Variants in ESD observed in about 807,000 individuals in gnomAD.
ESD encodes the protein esterase D.
In ESD, 34 loss-of-function variants were observed where a neutral mutation model predicts 38.1. The observed-to-expected ratio is 0.89, with a 90% CI of 0.68 to 1.19. ESD has a LOEUF of 1.19. Ranked by LOEUF, ESD falls within the 50% of genes most tolerant of loss-of-function variation. ESD has a pLI of 0.00. For missense variants in ESD, 334 were observed against 327.2 expected (o/e 1.02, Z -0.16); for synonymous variants, 97 against 107.0 (o/e 0.91, Z 0.58).
Position 46,771,460 on chromosome 13 carries a change from T to C in ESD, c.805A>G (p.Ile269Val). The stretch of plus-strand genomic sequence containing the variant: ...GCATGATGTCTGATGTGGTCAGTAA[T>C]AAAGGTTGCAATGAAGTAGTAGCTA... ...DHSYYFIATF[I>V]TDHIRHHAKY... Residue 269 changes from isoleucine (I) to valine (V), a missense_variant, in exon 10 of 10, where the codon ATT becomes GTT. Physicochemically the swap from Ile to Val is conservative, Grantham distance 29. Transcript: ENST00000378720. 6.2e-7 allele frequency: 1 copy of C among 1,608,712 alleles called. No homozygotes were observed. Among genetic ancestry groups the C allele is most frequent in the Non-Finnish European group, 8.5e-7 (1 of 1,176,048 alleles).
At position 46,779,437 on chromosome 13, in the gene ESD, G is replaced by C. The variant is rs117297871; in HGVS notation, c.600+498C>G. 5.8e-3 allele frequency among the ~76,000 whole-genome samples: 879 copies of C among 151,420 alleles called. 2 individuals carry two copies. Among genetic ancestry groups the C allele is most frequent in the Non-Finnish European group, 8.4e-3 (568 of 67,650 alleles). ...AATGCTCCAAAATCTGAAACGTTTT[G>C]AGTACCCACATGACGCTTAAAGGTA... On this transcript the variant is annotated intron_variant, in intron 8 of 9. Transcript: ENST00000378720.
chr13:46,789,340 G>A (rs958487054), intron 3 of ESD, among the ~76,000 whole-genome samples: 1 of 152,166 alleles, frequency 6.6e-6, no homozygotes, highest in Non-Finnish European at 1.5e-5. Context: ...TGACAATATG[G>A]TTGGACATAG....
intron 5 of ESD, 114 bp downstream of exon 5, chr13:46,784,138 T>C: frequency 1.3e-6 from 1 of 788,318 alleles, no homozygotes; most frequent in South Asian, 2.0e-5. Context: ...GAAAGGTTAA[T>C]AGAGATAACA....
At chr13:46,795,241 C>G (rs8192880) in intron 1 of ESD, among the ~76,000 whole-genome samples, 5,010 of 152,248 alleles carry the variant, frequency 0.033, 97 homozygotes, top group South Asian at 0.061. Flanking sequence ...CATCCCACTA[C>G]GATCAATCCT....
chr13:46,782,257 T>A (rs1405502960), intron 6 of ESD, among the ~76,000 whole-genome samples: 1 of 151,760 alleles, frequency 6.6e-6, no homozygotes, highest in African/African-American at 2.4e-5. Flanking sequence ...ATGATATACA[T>A]AGTAACAATG....
chr13:46,783,865 CA>C (rs1377454854), intron 5 of ESD, among the ~76,000 whole-genome samples: 1 of 151,742 alleles, frequency 6.6e-6, no homozygotes, highest in Non-Finnish European at 1.5e-5. Flanking sequence ...TTGATGTTAA[CA>C]GAGATGAAAA....
chr13:46,781,645 A>G (rs1283492224), intron 6 of ESD, 30 bp from the exon 7 acceptor site: 1 of 1,583,102 alleles, frequency 6.3e-7, no homozygotes, highest in Non-Finnish European at 8.6e-7. Context: ...GTGACAAAAG[A>G]TATCAAAGAA....
At chr13:46,782,884 A>G in intron 5 of ESD, 93 bp from the exon 6 acceptor site, 1 of 1,463,402 alleles carries the variant, frequency 6.8e-7, no homozygotes, top group Non-Finnish European at 9.3e-7. Context: ...GTCCATTTGC[A>G]TGGGAACTGT....
chr13:46,771,349 G>C lies in ESD; in HGVS notation c.*67C>G. On this transcript the variant is annotated 3_prime_UTR_variant, in exon 10 of 10. Coordinates refer to ENST00000378720, the MANE Select transcript of ESD (RefSeq NM_001984.2). ...AATGTTTTGAATTTTTTTTTTTTTTGCTCAGCAATACAGTTGCATTTTACA... is the reference window on the plus strand; with the variant it reads ...AATGTTTTGAATTTTTTTTTTTTTTCCTCAGCAATACAGTTGCATTTTACA... 1.7e-6 allele frequency: 1 copy of C among 589,974 alleles called. No individual in the cohort carries two copies. The highest frequency in any genetic ancestry group is 2.3e-6 in the Non-Finnish European group (1 of 426,274). The allele number at this position is 589,974 out of a possible 1,614,324, so 36.5% of individuals were successfully genotyped here.
At chr13:46,795,655 A>C (rs1421762061) in intron 1 of ESD, among the ~76,000 whole-genome samples, 1 of 152,236 alleles carries the variant, frequency 6.6e-6, no homozygotes, top group Non-Finnish European at 1.5e-5. Flanking sequence ...AAATTTCATA[A>C]AATTAAAACC....
chr13:46,781,031 C>T (rs191701751), intron 7 of ESD, among the ~76,000 whole-genome samples: 29 of 151,810 alleles, frequency 1.9e-4, no homozygotes, highest in Non-Finnish European at 1.5e-5. Flanking sequence ...TTTAATCAAG[C>T]TGCATTTCAA....
intron 9 of ESD, chr13:46,776,747 A>G (rs995584162): frequency 6.6e-6 from 1 of 152,136 alleles, no homozygotes; most frequent in African/African-American, 2.4e-5. Flanking sequence ...TTAAACATGG[A>G]TAAAAATTTA....
Position 46,777,535 on chromosome 13 carries a change from A to T in ESD, c.689T>A (p.Leu230Ter). ...IDQGKDDQFL[L>*]DGQLLPDNFI... ...GTTATCAGGGAGTAACTGTCCATCT[A>T]AAAGAAACTGGTCATCTTTCCCTTG... The change falls in exon 9 of 10, where the codon TTA (leucine) becomes TAA (stop). Residue 230 changes from leucine (L) to a stop codon, truncating the protein, a stop_gained. Transcript: ENST00000378720. LOFTEE classifies it high-confidence loss of function. 6.2e-7 allele frequency: 1 copy of T among 1,611,586 alleles called. No homozygotes were observed. Among genetic ancestry groups the T allele is most frequent in the Non-Finnish European group, 8.5e-7 (1 of 1,178,284 alleles).
chr13:46,781,728 G>T, intron 6 of ESD, 113 bp from the exon 7 acceptor site: 1 of 948,136 alleles, frequency 1.1e-6, no homozygotes, highest in Non-Finnish European at 1.6e-6. Context: ...GTCTTACAAT[G>T]GTTTGAACTA....
At chr13:46,773,014 T>C (rs1237141894) in intron 9 of ESD, among the ~76,000 whole-genome samples, 1 of 152,072 alleles carries the variant, frequency 6.6e-6, no homozygotes, top group African/African-American at 2.4e-5. Context: ...CTGCATTAGT[T>C]TGTTGAGGAT....
At chr13:46,775,655 C>A in intron 9 of ESD, 1 of 470,510 alleles carries the variant, frequency 2.1e-6, no homozygotes, top group Non-Finnish European at 4.4e-6. Context: ...CAACGAAATC[C>A]GCTTCAAGCT....
chr13:46,794,135 A>G (rs987692065), intron 1 of ESD, among the ~76,000 whole-genome samples: 2 of 143,152 alleles, frequency 1.4e-5, no homozygotes, highest in Non-Finnish European at 3.0e-5. Context: ...AAAACCAAAC[A>G]ACACCCTTCC....
chr13:46,794,152 C>T lies in ESD; in HGVS notation c.-55-708G>A, dbSNP rs551740004. On this transcript the variant is annotated intron_variant, in intron 1 of 9. Transcript: ENST00000378720. ...AACCAAACAACACCCTTCCTCCTTC[C>T]CCTCCAAAAAACAACAACAACAACA... 3.7e-5 allele frequency among the ~76,000 whole-genome samples: 4 copies of T among 108,424 alleles called. No individual in the cohort carries two copies. The East Asian group carries it at 8.6e-4, about 23-fold the overall frequency. 71.1% of individuals were successfully genotyped at this position (108,424 alleles called of 152,430 possible).
intron 6 of ESD, among the ~76,000 whole-genome samples, chr13:46,781,924 T>A (rs1179892854): frequency 2.6e-5 from 4 of 151,802 alleles, no homozygotes; most frequent in African/African-American, 9.7e-5. Context: ...TAAGGAAAAG[T>A]CCTTAGGGAG....
Sources: allele counts gnomAD v4.1 joint callset (sites outside exome capture counted in the v4.1 genomes callset), GRCh38; gene constraint gnomAD v4.1.1; transcripts MANE v1.5; gene names NCBI Gene and HGNC (gene_info 2026-07-23, HGNC 2026-07-21).